Variants in EPHA5 observed in about 807,000 individuals in gnomAD.
EPHA5 encodes ephrin type-A receptor 5.
A neutral mutation model predicts 105.0 loss-of-function variants in EPHA5; 60 were observed. That is an observed-to-expected ratio of 0.57 (90% confidence interval 0.46 to 0.71). EPHA5 has a LOEUF of 0.71. Among genes scored for constraint, EPHA5 ranks in the 30% least tolerant of loss-of-function variants. The probability of loss-of-function intolerance (pLI) is 0.00; values close to 1 mark genes in which losing one functional copy is unlikely to be tolerated. For missense variants in EPHA5, 1,218 were observed against 1,274.7 expected (o/e 0.96, Z 0.68); for synonymous variants, 513 against 449.1 (o/e 1.14, Z -1.80).
At chr4:65,352,543 T>G (rs913544372) in intron 12 of EPHA5, among the ~76,000 whole-genome samples, 5 of 151,958 alleles carry the variant, frequency 3.3e-5, no homozygotes, top group Non-Finnish European at 5.9e-5. Flanking sequence ...CTATTGTCAA[T>G]TACCACGTGA....
At chr4:65,435,713 G>T (rs1181925636) in intron 5 of EPHA5, among the ~76,000 whole-genome samples, 1 of 151,970 alleles carries the variant, frequency 6.6e-6, no homozygotes, top group Non-Finnish European at 1.5e-5. Flanking sequence ...AGCATTAGGG[G>T]TAAAGAGCTG....
At chr4:65,447,426 G>A (rs1578137904) in intron 5 of EPHA5, among the ~76,000 whole-genome samples, 1 of 151,224 alleles carries the variant, frequency 6.6e-6, no homozygotes, top group Non-Finnish European at 1.5e-5. Context: ...AGGATTTGGG[G>A]CCAGATAACT....
intron 5 of EPHA5, among the ~76,000 whole-genome samples, chr4:65,487,889 GC>G: frequency 6.6e-6 from 1 of 152,140 alleles, no homozygotes. Flanking sequence ...TGGGGAGGGG[GC>G]AAGAAGAAAC....
intron 3 of EPHA5, among the ~76,000 whole-genome samples, chr4:65,505,101 A>C (rs902801145): frequency 5.3e-5 from 8 of 152,038 alleles, no homozygotes; most frequent in Admixed American, 3.3e-4. Context: ...ACTTCATCAC[A>C]AATTTTAATT....
intron 2 of EPHA5, among the ~76,000 whole-genome samples, chr4:65,614,170 G>T (rs549241055): frequency 1.3e-5 from 2 of 151,808 alleles, no homozygotes; most frequent in South Asian, 2.1e-4. Context: ...TTATTTTGAG[G>T]CCTGTTGCTT....
In EPHA5 at chr4:65,592,245, AT is replaced by A. The variant is rs1461980005; in HGVS notation, c.910+9395del. ...ACACAAATTCCATTAAAACTAATAA[AT>A]TAAAAATGTCTGGCAATGTCAATCC... On this transcript the variant is annotated intron_variant, in intron 3 of 16. Coordinates refer to ENST00000613740, the MANE Select transcript of EPHA5 (RefSeq NM_001281766.3). Among the ~76,000 whole-genome samples, 5 of 152,286 alleles carry A rather than the reference AT, an allele frequency of 3.3e-5. No individual in the cohort carries two copies. The South Asian group carries it at 1.0e-3, about 32-fold the overall frequency.
At chr4:65,627,425 T>C (rs148600339) in intron 2 of EPHA5, among the ~76,000 whole-genome samples, 3 of 152,312 alleles carry the variant, frequency 2.0e-5, no homozygotes, top group African/African-American at 7.2e-5. Context: ...AACTTGAGTA[T>C]AGAACCCTTT....
chr4:65,600,508 T>C (rs999340375), intron 3 of EPHA5, among the ~76,000 whole-genome samples: 4 of 152,174 alleles, frequency 2.6e-5, no homozygotes, highest in Admixed American at 6.6e-5. Context: ...CAAGTTATTA[T>C]AATTTACAGG....
At chr4:65,475,620 A>G (rs1048981051) in intron 5 of EPHA5, among the ~76,000 whole-genome samples, 2 of 152,184 alleles carry the variant, frequency 1.3e-5, no homozygotes, top group African/African-American at 4.8e-5. Flanking sequence ...ATCTATGCAT[A>G]TCAATTTACA....
At chr4:65,578,537 G>A (rs374818671) in intron 3 of EPHA5, among the ~76,000 whole-genome samples, 81 of 152,274 alleles carry the variant, frequency 5.3e-4, no homozygotes, top group African/African-American at 1.7e-3. Context: ...TATGAGCAGT[G>A]TAGAATGTTG....
chr4:65,434,156 T>C (rs900744039), intron 5 of EPHA5, among the ~76,000 whole-genome samples: 2 of 152,214 alleles, frequency 1.3e-5, no homozygotes, highest in Non-Finnish European at 2.9e-5. Flanking sequence ...TATATTAATA[T>C]AATCACCCTT....
At chr4:65,464,098 A>C (rs1388653176) in intron 5 of EPHA5, among the ~76,000 whole-genome samples, 3 of 151,930 alleles carry the variant, frequency 2.0e-5, no homozygotes, top group Non-Finnish European at 2.9e-5. Flanking sequence ...AGAAGAACAA[A>C]AAACTGTAGT....
intron 16 of EPHA5, among the ~76,000 whole-genome samples, chr4:65,329,809 C>CT (rs5858950): frequency 0.02 from 2,766 of 137,416 alleles, 57 homozygotes; most frequent in East Asian, 0.062. Context: ...CAATGACTGA[C>CT]TTTTTTTTTT....
chr4:65,639,507 CT>C lies in EPHA5; in HGVS notation c.246+3855del, dbSNP rs372372659. Among the ~76,000 whole-genome samples the C allele has an allele frequency of 8.5e-5, 13 of 152,242 alleles. No individual in the cohort carries two copies. The East Asian group carries it at 2.5e-3, about 29-fold the overall frequency. Reference sequence around the variant, plus strand: ...AAGGTGAGATGTTTGACTCTTGCTACTTTTGAAATTCTCCCTCTTTGGCTTT... The same window carrying C: ...AAGGTGAGATGTTTGACTCTTGCTACTTTGAAATTCTCCCTCTTTGGCTTT... On this transcript the variant is annotated intron_variant, in intron 2 of 16. Coordinates refer to ENST00000613740, the MANE Select transcript of EPHA5 (RefSeq NM_001281766.3).
chr4:65,497,622 A>T (rs1034716880), intron 3 of EPHA5, among the ~76,000 whole-genome samples: 11 of 152,108 alleles, frequency 7.2e-5, no homozygotes, highest in Non-Finnish European at 1.5e-5. Flanking sequence ...TTTCAAAGAC[A>T]TGAAGTGTCA....
chr4:65,476,286 C>A (rs1338854408), intron 5 of EPHA5, among the ~76,000 whole-genome samples: 1 of 152,000 alleles, frequency 6.6e-6, no homozygotes, highest in Non-Finnish European at 1.5e-5. Context: ...ATTGAAAATA[C>A]TGTGAATTGC....
intron 3 of EPHA5, among the ~76,000 whole-genome samples, chr4:65,561,159 C>A (rs541532893): frequency 6.6e-6 from 1 of 151,680 alleles, no homozygotes; most frequent in African/African-American, 2.4e-5. Context: ...CCAACTGTAA[C>A]ATTTTTAAGG....
chr4:65,558,210 A>C (rs1055418150), intron 3 of EPHA5, among the ~76,000 whole-genome samples: 6 of 152,080 alleles, frequency 3.9e-5, no homozygotes, highest in Non-Finnish European at 8.8e-5. Context: ...CAGAAAATTT[A>C]TTTCCATATT....
chr4:65,530,197 C>T (rs906872400), intron 3 of EPHA5, among the ~76,000 whole-genome samples: 1 of 152,078 alleles, frequency 6.6e-6, no homozygotes, highest in South Asian at 2.1e-4. Flanking sequence ...ATATATGGAA[C>T]TACTGGGATT....
Sources: gnomAD v4.1 joint callset for allele counts (sites outside exome capture counted in the v4.1 genomes callset) on GRCh38, gnomAD v4.1.1 for gene constraint, MANE v1.5 for transcripts, NCBI Gene and HGNC (gene_info 2026-07-23, HGNC 2026-07-21) for gene names.